RABGGTB: variants seen among roughly 807,000 people sequenced by gnomAD.
The protein encoded by RABGGTB is geranylgeranyl transferase type-2 subunit beta.
Under a neutral mutation model 44.5 loss-of-function variants are expected in RABGGTB, and 20 were observed. That is an observed-to-expected ratio of 0.45 (90% CI 0.32 to 0.65). The LOEUF (loss-of-function observed/expected upper bound fraction) is 0.65, where lower values mean the gene tolerates loss of function less well. Ranked by LOEUF, RABGGTB falls within the 30% of genes least tolerant of loss-of-function variation. The pLI, the probability that RABGGTB is intolerant of heterozygous loss-of-function variation, is 0.05. For synonymous variants in RABGGTB, 128 were observed against 136.7 expected (o/e 0.94, Z 0.44); for missense variants, 302 against 398.7 (o/e 0.76, Z 2.06).
intron 4 of RABGGTB, chr1:75,790,395 G>T: frequency 1.7e-6 from 2 of 1,159,106 alleles, no homozygotes; most frequent in Non-Finnish European, 2.1e-6. Flanking sequence ...TATTTGAGTG[G>T]AGGGAGGGAA....
At chr1:75,786,327 G>GA (rs1649475813) in intron 1 of RABGGTB, 53 bp downstream of exon 1, 6 of 1,607,130 alleles carry the variant, frequency 3.7e-6, no homozygotes, top group Non-Finnish European at 5.1e-6. Flanking sequence ...AGACAGGGTG[G>GA]AGTAGGGTTA....
chr1:75,789,510 C>T, intron 3 of RABGGTB, 154 bp downstream of exon 3: 1 of 856,296 alleles, frequency 1.2e-6, no homozygotes, highest in Non-Finnish European at 2.0e-6. Flanking sequence ...TTAGCTGAAT[C>T]TAAAGTTGAT....
intron 1 of RABGGTB, 122 bp downstream of exon 1, chr1:75,786,396 C>T (rs780396139): frequency 1.4e-6 from 2 of 1,386,264 alleles, no homozygotes; most frequent in Non-Finnish European, 2.0e-6. Flanking sequence ...AGGACACAGG[C>T]CTTGGAAGGT....
chr1:75,794,045 A>G (rs758249850), intron 7 of RABGGTB, 39 bp from the exon 8 acceptor site: 3 of 1,556,490 alleles, frequency 1.9e-6, no homozygotes, highest in Non-Finnish European at 2.6e-6. Flanking sequence ...TTAGGGAAAT[A>G]AAAGAGAATG....
At position 75,789,209 on chromosome 1, in the gene RABGGTB, G is replaced by A. The variant is rs1023177203; in HGVS notation, c.162G>A (p.Leu54=). 1.9e-6 allele frequency: 3 copies of A among 1,613,926 alleles called. No individual in the cohort carries two copies. Among genetic ancestry groups the A allele is most frequent in the Admixed American group, 1.7e-5 (1 of 60,004 alleles). Reference sequence around the variant, plus strand: ...GAATGAGTGGCATCTATTGGGGTCTGACAGTAATGGATCTCATGGGACAAC... The same window carrying A: ...GAATGAGTGGCATCTATTGGGGTCTAACAGTAATGGATCTCATGGGACAAC... ...YLRMSGIYWG[L]TVMDLMGQLH... is the part of the protein sequence containing the mutation. The change falls in exon 3 of 9, where the codon CTG becomes CTA. Residue 54 remains leucine, a synonymous_variant. Coordinates refer to ENST00000319942, the MANE Select transcript of RABGGTB (RefSeq NM_004582.4).
At chr1:75,792,005 A>C in intron 6 of RABGGTB, 176 bp from the exon 7 acceptor site, 2 of 565,524 alleles carry the variant, frequency 3.5e-6, no homozygotes, top group Non-Finnish European at 6.2e-6. Context: ...ATTGCATACT[A>C]GTAATAGTAT....
intron 1 of RABGGTB, chr1:75,786,592 G>T (rs1411857480): frequency 5.4e-6 from 2 of 372,660 alleles, no homozygotes; most frequent in South Asian, 3.7e-5. Context: ...GGGTGTCAAA[G>T]ATTTCTTTAA....
At chr1:75,789,433 G>A (rs1649590021) in intron 3 of RABGGTB, 77 bp downstream of exon 3, 1 of 1,461,326 alleles carries the variant, frequency 6.8e-7, no homozygotes, top group African/African-American at 1.4e-5. Flanking sequence ...AACTGTATCA[G>A]GATTTGGTCA....
chr1:75,791,859 A>T, intron 6 of RABGGTB: 1 of 419,186 alleles, frequency 2.4e-6, no homozygotes, highest in Non-Finnish European at 4.2e-6. Flanking sequence ...ATAAAAAAAA[A>T]AACAACACAT....
chr1:75,787,683 C>T, intron 2 of RABGGTB, 79 bp downstream of exon 2: 1 of 1,147,756 alleles, frequency 8.7e-7, no homozygotes, highest in East Asian at 2.4e-5. Context: ...GTATTTATGT[C>T]TTAAAATGGC....
chr1:75,788,268 A>C (rs185772845), intron 2 of RABGGTB: 70 of 174,910 alleles, frequency 4.0e-4, no homozygotes, highest in African/African-American at 1.4e-3. Flanking sequence ...AATTTGGGTT[A>C]GTAGCAAACT....
chr1:75,786,347 G>T (rs374792957), intron 1 of RABGGTB, 73 bp downstream of exon 1: 56 of 1,580,924 alleles, frequency 3.5e-5, no homozygotes, highest in Non-Finnish European at 4.8e-5. Context: ...AAGCACACTG[G>T]TCACCTTAGG....
intron 2 of RABGGTB, chr1:75,788,906 C>T: frequency 2.0e-6 from 1 of 490,816 alleles, no homozygotes. Context: ...AACTAAAGCA[C>T]TGTTTGTATT....
At chr1:75,786,235 C>G (rs536347707), upstream of RABGGTB, 94 of 1,613,840 alleles carry the variant, frequency 5.8e-5, 1 homozygote, top group Admixed American at 9.0e-4. Flanking sequence ...TAAGTCTACC[C>G]AGGAACTGAC....
chr1:75,787,379 G>A (rs1570926981), intron 1 of RABGGTB, 118 bp from the exon 2 acceptor site: 2 of 779,936 alleles, frequency 2.6e-6, no homozygotes, highest in East Asian at 2.6e-5. Context: ...TAAATGGAAC[G>A]TTTTCCTATT....
At chr1:75,790,429 G>A in intron 4 of RABGGTB, 1 of 1,110,588 alleles carries the variant, frequency 9.0e-7, no homozygotes, top group East Asian at 5.5e-5. Context: ...GATAAACGTA[G>A]ATAATCTCTG....
rs756476250 is a variant in RABGGTB at position 75,790,101 on chromosome 1, A to T, written c.415+44A>T. ...CATTCTACCCAAAATACCAATATTA[A>T]AATGTACTGGTTTTGCTAGTAACCA... On this transcript the variant is annotated intron_variant, in intron 4 of 8. Transcript: ENST00000319942. 5 of 1,606,716 alleles carry T rather than the reference A, an allele frequency of 3.1e-6. No individual in the cohort carries two copies. The East Asian group carries it at 1.1e-4, about 36-fold the overall frequency.
At chr1:75,794,403 T>A in intron 8 of RABGGTB, 107 bp from the exon 9 acceptor site, 1 of 1,335,240 alleles carries the variant, frequency 7.5e-7, no homozygotes, top group Non-Finnish European at 1.0e-6. Flanking sequence ...AAATTTCTTG[T>A]CGCTTGTTGC....
intron 6 of RABGGTB, 102 bp downstream of exon 6, chr1:75,791,673 T>A: frequency 1.0e-6 from 1 of 995,214 alleles, no homozygotes; most frequent in Non-Finnish European, 1.5e-6. Context: ...CACATAAAGT[T>A]AATTCGACTG....
Sources: allele counts gnomAD v4.1 joint callset, GRCh38; gene constraint gnomAD v4.1.1; transcripts MANE v1.5; gene names NCBI Gene and HGNC (gene_info 2026-07-23, HGNC 2026-07-21).